The following PHC3 variants were observed in gnomAD, a reference collection of about 807,000 sequenced individuals.
PHC3 encodes polyhomeotic homolog 3, also known as polyhomeotic-like protein 3.
In PHC3, 13 loss-of-function variants were observed where a neutral mutation model predicts 107.4. The observed-to-expected ratio is 0.12, with a 90% CI of 0.08 to 0.19. The LOEUF (loss-of-function observed/expected upper bound fraction) is 0.19. Among genes scored for constraint, PHC3 ranks in the 10% least tolerant of loss-of-function variants. PHC3 has a pLI of 1.00. For synonymous variants in PHC3, 456 were observed against 427.4 expected (o/e 1.07, Z -0.83); for missense variants, 992 against 1,210.9 (o/e 0.82, Z 2.68).
Position 170,102,540 on chromosome 3 carries a change from T to C in PHC3, c.2772A>G (p.Ala924=). ...CTGTCCATATAGATGGCTCTGTTTG[T>C]GCAACTGGTAGCAAGTCACTGTTCT... ...MPENSDLLPV[A]QTEPSIWTVD... The change falls in exon 14 of 15, where the codon GCA becomes GCG. Residue 924 remains alanine, a synonymous_variant. Coordinates refer to ENST00000495893, the MANE Select transcript of PHC3 (RefSeq NM_024947.4). The C allele has an allele frequency of 3.1e-6, 5 of 1,613,890 alleles. No individual in the cohort carries two copies. The highest frequency in any genetic ancestry group is 4.2e-6 in the Non-Finnish European group (5 of 1,179,830).
In PHC3 at chr3:170,172,548, T is replaced by C. The variant is rs1343685905; in HGVS notation, c.336+9A>G. 9 of 1,607,074 alleles carry C rather than the reference T, an allele frequency of 5.6e-6. No homozygotes were observed. The highest frequency in any genetic ancestry group is 7.6e-6 in the Non-Finnish European group (9 of 1,178,278). ...ACTTTGATCTCATAAACTCTTATTT[T>C]AGTCTTACCTGAACAGCAGCAAGGC... is the stretch of plus-strand genomic sequence containing the variant. On this transcript the variant is annotated intron_variant, in intron 3 of 14. Coordinates refer to ENST00000495893, the MANE Select transcript of PHC3 (RefSeq NM_024947.4).
chr3:170,150,917 T>TA (rs1323834212), intron 4 of PHC3, among the ~76,000 whole-genome samples: 1 of 151,678 alleles, frequency 6.6e-6, no homozygotes, highest in Non-Finnish European at 1.5e-5. Context: ...ATTTTAAAAA[T>TA]AAATAATATT....
At chr3:170,170,246 C>T (rs948638289) in intron 4 of PHC3, 1 of 151,830 alleles carries the variant, frequency 6.6e-6, no homozygotes, top group African/African-American at 2.4e-5. Context: ...CAAAGTATTA[C>T]CATTCTGGAC....
At position 170,097,756 on chromosome 3, in the gene PHC3, G is replaced by C. The variant is rs1174683250; in HGVS notation, c.2834-372C>G. Among the ~76,000 whole-genome samples the C allele has an allele frequency of 6.6e-6, 1 of 152,082 alleles. No individual in the cohort carries two copies. The highest frequency in any genetic ancestry group is 1.5e-5 in the Non-Finnish European group (1 of 68,018). On this transcript the variant is annotated intron_variant, in intron 14 of 14. Coordinates refer to ENST00000495893, the MANE Select transcript of PHC3 (RefSeq NM_024947.4). This position sits in a 1 kb window ranked among gnomAD's most constrained non-coding sequence, Gnocchi z 4.1. ...AGTTATACCTCATGCACTTATCTCTGTATAATATATCCTTCACATATAGGT... is the reference window on the plus strand; with the variant it reads ...AGTTATACCTCATGCACTTATCTCTCTATAATATATCCTTCACATATAGGT...
Position 170,087,777 on chromosome 3 carries a change from T to C in PHC3, c.*9453A>G, listed in dbSNP as rs1401545205. 6.6e-6 allele frequency: 1 copy of C among 152,212 alleles called. No homozygotes were observed. Among genetic ancestry groups the C allele is most frequent in the East Asian group, 1.9e-4 (1 of 5,206 alleles). 9.4% of individuals were successfully genotyped at this position (152,212 alleles called of 1,614,324 possible). A position where few individuals can be genotyped will look rare whatever the true frequency, so the allele number is the denominator to read the frequency against. ...AACAAAGGTGCAATTACAAGCAAGT[T>C]AAGCAGCAGAGTATAAGGTGCTTTA... On this transcript the variant is annotated 3_prime_UTR_variant, in exon 15 of 15. Coordinates refer to ENST00000495893, the MANE Select transcript of PHC3 (RefSeq NM_024947.4).
At chr3:170,166,057 T>C (rs1728697577) in intron 4 of PHC3, among the ~76,000 whole-genome samples, 2 of 152,034 alleles carry the variant, frequency 1.3e-5, no homozygotes, top group Non-Finnish European at 2.9e-5. Flanking sequence ...TTTATTTTTA[T>C]TTTTTGAGAT....
In PHC3 at chr3:170,096,631, G is replaced by A. The variant is rs948202617; in HGVS notation, c.*599C>T. ...ACGTTCTCAGTCAAACCAAATTCTT[G>A]GTCAAGTTTGGAATAGAAACTAACT... On this transcript the variant is annotated 3_prime_UTR_variant, in exon 15 of 15. Coordinates refer to ENST00000495893, the MANE Select transcript of PHC3 (RefSeq NM_024947.4). 1.3e-5 allele frequency: 2 copies of A among 151,966 alleles called. No homozygotes were observed. Among genetic ancestry groups the A allele is most frequent in the Non-Finnish European group, 2.9e-5 (2 of 68,000 alleles). The allele number at this position is 151,966 out of a possible 1,614,324, so 9.4% of individuals were successfully genotyped here. A position where few individuals can be genotyped will look rare whatever the true frequency, so the allele number is the denominator to read the frequency against.
At chr3:170,102,094 GT>G in intron 14 of PHC3, 1 of 947,098 alleles carries the variant, frequency 1.1e-6, no homozygotes, top group Non-Finnish European at 1.3e-6. Flanking sequence ...TTTTTAAAAG[GT>G]TAAATTAGGA....
In PHC3 at chr3:170,103,019, TG is replaced by T. The variant is rs199563117; in HGVS notation, c.2469-86del. On this transcript the variant is annotated intron_variant, in intron 12 of 14. Coordinates refer to ENST00000495893, the MANE Select transcript of PHC3 (RefSeq NM_024947.4). The stretch of plus-strand genomic sequence containing the variant: ...TAATTGTGACTTTAAAGTGCAACTG[TG>T]AATCAGTAAGTACCACAATACATCA... The T allele has an allele frequency of 3.8e-3, 4,944 of 1,314,874 alleles. 160 individuals carry two copies. In the African/African-American group the frequency reaches 0.064, roughly 17 times the overall value. The allele number at this position is 1,314,874 out of a possible 1,614,324, so 81.5% of individuals were successfully genotyped here. A position where few individuals can be genotyped will look rare whatever the true frequency, so the allele number is the denominator to read the frequency against.
chr3:170,103,500 T>C (rs1161546772), intron 12 of PHC3, among the ~76,000 whole-genome samples: 1 of 152,002 alleles, frequency 6.6e-6, no homozygotes, highest in Non-Finnish European at 1.5e-5. Context: ...TCAGAAAATT[T>C]AGAAGTATAT....
chr3:170,095,747 G>T lies in PHC3; in HGVS notation c.*1483C>A, dbSNP rs1247397231. 1.3e-5 allele frequency: 2 copies of T among 152,130 alleles called. No homozygotes were observed. Among genetic ancestry groups the T allele is most frequent in the African/African-American group, 2.4e-5 (1 of 41,450 alleles). 9.4% of individuals were successfully genotyped at this position (152,130 alleles called of 1,614,324 possible). A position where few individuals can be genotyped will look rare whatever the true frequency, so the allele number is the denominator to read the frequency against. On this transcript the variant is annotated 3_prime_UTR_variant, in exon 15 of 15. Coordinates refer to ENST00000495893, the MANE Select transcript of PHC3 (RefSeq NM_024947.4). ...CTCAAATAAAATTTTTGATGTCCAG[G>T]ACTATAAAGCTTTCAGGGCTTCCAC...
Position 170,097,466 on chromosome 3 carries a change from C to A in PHC3, c.2834-82G>T. ...CTCCTAACAGTCACAGTTATGCTCT[C>A]ACTGGGTCTGAGAATCTGAAATACA... On this transcript the variant is annotated intron_variant, in intron 14 of 14. Transcript: ENST00000495893. This position sits in a 1 kb window ranked among gnomAD's most constrained non-coding sequence, Gnocchi z 4.1. 2 of 1,338,230 alleles carry A rather than the reference C, an allele frequency of 1.5e-6. No homozygotes were observed. The highest frequency in any genetic ancestry group is 1.8e-5 in the South Asian group (1 of 55,058). 82.9% of individuals were successfully genotyped at this position (1,338,230 alleles called of 1,614,324 possible). A position where few individuals can be genotyped will look rare whatever the true frequency, so the allele number is the denominator to read the frequency against.
chr3:170,136,596 T>G lies in PHC3; in HGVS notation c.742A>C (p.Ser248Arg). ...LSSSQNGPPK[S>R]TSQTQSLTIC... ...GTCAATGACTGAGTTTGACTAGTGC[T>G]TTTTGGTGGACCATTCTGTGAGCTA... is the stretch of plus-strand genomic sequence containing the variant. Residue 248 changes from serine (S) to arginine (R), a missense_variant, in exon 7 of 15, where the codon AGC (serine) becomes CGC (arginine). Physicochemically the swap from Ser to Arg is moderately radical, Grantham distance 110 (BLOSUM62 -1). Around this residue, in one of 6 missense-constraint regions of PHC3, gnomAD observed 543 missense variants for 590.8 expected, o/e 0.92. Coordinates refer to ENST00000495893, the MANE Select transcript of PHC3 (RefSeq NM_024947.4). 1.2e-6 allele frequency: 2 copies of G among 1,613,822 alleles called. No individual in the cohort carries two copies. Among genetic ancestry groups the G allele is most frequent in the Non-Finnish European group, 1.7e-6 (2 of 1,179,816 alleles).
intron 4 of PHC3, among the ~76,000 whole-genome samples, chr3:170,165,054 A>C (rs1212318221): frequency 1.3e-5 from 2 of 152,160 alleles, no homozygotes; most frequent in Non-Finnish European, 2.9e-5. Context: ...CTCAGTGGAG[A>C]CCATGTGGGG....
Position 170,092,877 on chromosome 3 carries a change from C to T in PHC3, c.*4353G>A, listed in dbSNP as rs1050355226. On this transcript the variant is annotated 3_prime_UTR_variant, in exon 15 of 15. Transcript: ENST00000495893. ...GAGAGTGAAAGAATGAGTCTGATTA[C>T]AGGTAAATCTTGACATATAAAAACT... 1.3e-5 allele frequency: 2 copies of T among 152,186 alleles called. No individual in the cohort carries two copies. The highest frequency in any genetic ancestry group is 2.1e-4 in the South Asian group (1 of 4,832). 9.4% of individuals were successfully genotyped at this position (152,186 alleles called of 1,614,324 possible). A position where few individuals can be genotyped will look rare whatever the true frequency, so the allele number is the denominator to read the frequency against.
intron 8 of PHC3, chr3:170,128,196 C>T: frequency 4.5e-6 from 1 of 221,290 alleles, no homozygotes; most frequent in Non-Finnish European, 8.2e-6. Flanking sequence ...AAAACTACAT[C>T]ATATAAGCAT....
At chr3:170,130,219 A>G (rs921685106) in intron 7 of PHC3, among the ~76,000 whole-genome samples, 1 of 152,214 alleles carries the variant, frequency 6.6e-6, no homozygotes, top group Non-Finnish European at 1.5e-5. Flanking sequence ...GAGTATCATC[A>G]TAGAACAAGT....
Position 170,095,699 on chromosome 3 carries a change from G to A in PHC3, c.*1531C>T, listed in dbSNP as rs534104821. Reference sequence around the variant, plus strand: ...TCTCAATTGTGGTAATATAAGAAAAGATGAAAACAAAACATTCATCATCTC... The same window carrying A: ...TCTCAATTGTGGTAATATAAGAAAAAATGAAAACAAAACATTCATCATCTC... On this transcript the variant is annotated 3_prime_UTR_variant, in exon 15 of 15. Coordinates refer to ENST00000495893, the MANE Select transcript of PHC3 (RefSeq NM_024947.4). The A allele has an allele frequency of 6.6e-6, 1 of 152,204 alleles. No homozygotes were observed. The highest frequency in any genetic ancestry group is 1.5e-5 in the Non-Finnish European group (1 of 67,994). The allele number at this position is 152,204 out of a possible 1,614,324, so 9.4% of individuals were successfully genotyped here. A position where few individuals can be genotyped will look rare whatever the true frequency, so the allele number is the denominator to read the frequency against.
At position 170,089,451 on chromosome 3, in the gene PHC3, T is replaced by C; in HGVS notation, c.*7779A>G. On this transcript the variant is annotated 3_prime_UTR_variant, in exon 15 of 15. Transcript: ENST00000495893. ...TTAAAGGATGCCCTTTTACTATATATGTGCTTTCTAGAATATTACTGATTC... is the reference window on the plus strand; with the variant it reads ...TTAAAGGATGCCCTTTTACTATATACGTGCTTTCTAGAATATTACTGATTC... The C allele has an allele frequency of 6.6e-6, 1 of 152,344 alleles. No homozygotes were observed. Among genetic ancestry groups the C allele is most frequent in the South Asian group, 2.1e-4 (1 of 4,832 alleles). The allele number at this position is 152,344 out of a possible 1,614,324, so 9.4% of individuals were successfully genotyped here. A position where few individuals can be genotyped will look rare whatever the true frequency, so the allele number is the denominator to read the frequency against.
Sources: gnomAD v4.1 joint callset for allele counts (sites outside exome capture counted in the v4.1 genomes callset) on GRCh38, gnomAD v4.1.1 for gene constraint, gnomAD v4.1.1 regional missense constraint, Gnocchi (gnomAD v3.1) non-coding constraint, MANE v1.5 for transcripts, NCBI Gene and HGNC (gene_info 2026-07-23, HGNC 2026-07-21) for gene names.